TSTD2: variants seen among roughly 807,000 people sequenced by gnomAD.
The protein encoded by TSTD2 is thiosulfate sulfurtransferase like domain containing 2.
A neutral mutation model predicts 47.9 loss-of-function variants in TSTD2; 37 were observed. That is an observed-to-expected ratio of 0.77 (90% CI 0.59 to 1.02). The LOEUF (loss-of-function observed/expected upper bound fraction) is 1.02, where lower values mean the gene tolerates loss of function less well. Among genes scored for constraint, TSTD2 ranks in the 50% least tolerant of loss-of-function variants. TSTD2 has a pLI of 0.00. For synonymous variants in TSTD2, 201 were observed against 215.9 expected (o/e 0.93, Z 0.61); for missense variants, 586 against 616.0 (o/e 0.95, Z 0.52).
Position 97,601,609 on chromosome 9 carries a change from T to G in TSTD2, c.*860A>C, listed in dbSNP as rs889632211. Reference sequence around the variant, plus strand: ...TAGATCAGGGGCTGGCAAACTTTTCTGTAAAAGGCCAGACAGTAAAAATTT... The same window carrying G: ...TAGATCAGGGGCTGGCAAACTTTTCGGTAAAAGGCCAGACAGTAAAAATTT... On this transcript the variant is annotated 3_prime_UTR_variant, in exon 10 of 10. Coordinates refer to ENST00000341170, the MANE Select transcript of TSTD2 (RefSeq NM_139246.5). 7 of 987,630 alleles carry G rather than the reference T, an allele frequency of 7.1e-6. No individual in the cohort carries two copies. The African/African-American group carries it at 1.2e-4, about 17-fold the overall frequency. 61.2% of individuals were successfully genotyped at this position (987,630 alleles called of 1,614,324 possible).
In TSTD2 at chr9:97,610,459, A is replaced by G; in HGVS notation, c.730-8T>C. On this transcript the variant is annotated splice_polypyrimidine_tract_variant and splice_region_variant and intron_variant, in intron 5 of 9. Transcript: ENST00000341170. ...AGCTCCTCCTTTGCTGGTCTAGCCA[A>G]TGAGAAACAAAACAGAATACAGTCT... 1.3e-6 allele frequency: 2 copies of G among 1,543,090 alleles called. No individual in the cohort carries two copies. The highest frequency in any genetic ancestry group is 2.4e-5 in the East Asian group (1 of 41,636).
intron 4 of TSTD2, among the ~76,000 whole-genome samples, chr9:97,615,902 G>A (rs1176750132): frequency 6.6e-6 from 1 of 151,942 alleles, no homozygotes; most frequent in Non-Finnish European, 1.5e-5. Flanking sequence ...AGGAATTAGG[G>A]ATACAGTGCT....
Position 97,611,625 on chromosome 9 carries a change from G to A in TSTD2, c.678C>T (p.Val226=), listed in dbSNP as rs746462768. 4 of 1,610,656 alleles carry A rather than the reference G, an allele frequency of 2.5e-6. No individual in the cohort carries two copies. The South Asian group carries it at 4.4e-5, about 18-fold the overall frequency. The change falls in exon 5 of 10, where the codon GTC becomes GTT. Residue 226 remains valine (V), a synonymous_variant. Coordinates refer to ENST00000341170, the MANE Select transcript of TSTD2 (RefSeq NM_139246.5). ...SKLATRLYVE[V]MLSFPLFKDD... ...CCTTAAACAATGGGAAGGAAAGCAT[G>A]ACTTCCACATAAAGTCTGGTAGCCA...
intron 3 of TSTD2, among the ~76,000 whole-genome samples, chr9:97,619,614 T>C (rs954974572): frequency 6.6e-6 from 1 of 152,120 alleles, no homozygotes; most frequent in African/African-American, 2.4e-5. Context: ...ATGCTGGGAT[T>C]ATAGGAATAA....
chr9:97,625,821 T>A lies in TSTD2; in HGVS notation c.342A>T (p.Gln114His). The A allele has an allele frequency of 6.2e-7, 1 of 1,614,202 alleles. No individual in the cohort carries two copies. ...IYHQTASILK[Q>H]LAVTLSTSKS... ...TTGAGGTGCTCAATGTCACAGCCAGTTGCTTTAAAATAGAAGCTGTCTGGT... is the reference window on the plus strand; with the variant it reads ...TTGAGGTGCTCAATGTCACAGCCAGATGCTTTAAAATAGAAGCTGTCTGGT... The change falls in exon 3 of 10, where the codon CAA becomes CAT. Residue 114 changes from glutamine (Q) to histidine (H), a missense_variant. Gln to His is a conservative substitution (Grantham distance 24). Coordinates refer to ENST00000341170, the MANE Select transcript of TSTD2 (RefSeq NM_139246.5).
At chr9:97,604,938 G>A (rs776143362) in intron 8 of TSTD2, 73 bp from the exon 9 acceptor site, 55 of 1,577,414 alleles carry the variant, frequency 3.5e-5, no homozygotes, top group Non-Finnish European at 4.2e-5. Context: ...GAAGAACGGC[G>A]CATGGCGAGG....
In TSTD2 at chr9:97,604,860, C is replaced by T; in HGVS notation, c.1119G>A (p.Val373=). 6.2e-7 allele frequency: 1 copy of T among 1,614,018 alleles called. No individual in the cohort carries two copies. Among genetic ancestry groups the T allele is most frequent in the Non-Finnish European group, 8.5e-7 (1 of 1,179,922 alleles). ...CCTTGAGCTGGAACACCTCCTTGCA[C>T]ACTCCCTAGGTGTGGAAAAACAACA... ...RGSAYLKAKG[V]CKEVFQLKGG... Residue 373 remains valine, a synonymous_variant, in exon 9 of 10, where the codon GTG becomes GTA. Transcript: ENST00000341170.
At chr9:97,604,522 G>A (rs1826331293) in intron 9 of TSTD2, 6 of 667,754 alleles carry the variant, frequency 9.0e-6, no homozygotes, top group Admixed American at 6.7e-5. Context: ...GTGAAGCCAG[G>A]ATCCCAACCC....
rs535091350 is a variant in TSTD2, at chr9:97,601,097, G to T, written c.*1372C>A. ...CTGGAGGCGGGGCCAGGGCCTCAGC[G>T]CTATGGAAGAGTGTCCACTGAGGCT... On this transcript the variant is annotated 3_prime_UTR_variant, in exon 10 of 10. Transcript: ENST00000341170. The T allele has an allele frequency of 7.7e-7, 1 of 1,304,272 alleles. No individual in the cohort carries two copies. Among genetic ancestry groups the T allele is most frequent in the East Asian group, 5.5e-5 (1 of 18,032 alleles). The allele number at this position is 1,304,272 out of a possible 1,614,324, so 80.8% of individuals were successfully genotyped here.
At chr9:97,606,849 A>G (rs1406523565) in intron 6 of TSTD2, among the ~76,000 whole-genome samples, 1 of 152,182 alleles carries the variant, frequency 6.6e-6, no homozygotes, top group African/African-American at 2.4e-5. Flanking sequence ...GTGTGTGTGC[A>G]TGAGTAAAAG....
In TSTD2 at chr9:97,602,553, A is replaced by G; in HGVS notation, c.1467T>C (p.Pro489=). The G allele has an allele frequency of 1.9e-6, 3 of 1,614,164 alleles. No homozygotes were observed. Among genetic ancestry groups the G allele is most frequent in the Non-Finnish European group, 8.5e-7 (1 of 1,180,006 alleles). The change falls in exon 10 of 10, where the codon CCT becomes CCC. Residue 489 remains proline, a synonymous_variant. Coordinates refer to ENST00000341170, the MANE Select transcript of TSTD2 (RefSeq NM_139246.5). ...GTCGCACATGCTGCAAGAGTTCCCT[A>G]GGTATGCGTGGCCGTCGGGCTGTGC... is the stretch of plus-strand genomic sequence containing the variant. ...CECTARRPRI[P]RELLQHVRQP...
chr9:97,612,433 C>A (rs1426104518), intron 4 of TSTD2, among the ~76,000 whole-genome samples: 1 of 152,220 alleles, frequency 6.6e-6, no homozygotes, highest in African/African-American at 2.4e-5. Flanking sequence ...TTGTCTTCCA[C>A]AACGGTTGAG....
intron 6 of TSTD2, among the ~76,000 whole-genome samples, chr9:97,606,796 T>C (rs966340784): frequency 7.9e-5 from 12 of 152,122 alleles, no homozygotes; most frequent in African/African-American, 2.7e-4. Context: ...AAAGTTGGAA[T>C]AGATACATTT....
intron 2 of TSTD2, among the ~76,000 whole-genome samples, chr9:97,626,252 T>G (rs1021401168): frequency 3.3e-5 from 5 of 152,168 alleles, no homozygotes; most frequent in African/African-American, 1.2e-4. Context: ...TCTCAGGATA[T>G]AAGACTAAGT....
intron 1 of TSTD2, among the ~76,000 whole-genome samples, chr9:97,632,314 G>A (rs529206988): frequency 2.6e-5 from 4 of 152,084 alleles, no homozygotes; most frequent in Admixed American, 6.5e-5. Context: ...AGTGGTTGGA[G>A]TACAGTGAGG....
intron 6 of TSTD2, 37 bp from the exon 7 acceptor site, chr9:97,606,298 A>G: frequency 1.4e-6 from 2 of 1,386,162 alleles, no homozygotes; most frequent in Non-Finnish European, 2.0e-6. Context: ...TAAAACAAAG[A>G]CAAAAAAACC....
At chr9:97,626,879 AT>A (rs895222867) in intron 2 of TSTD2, among the ~76,000 whole-genome samples, 7 of 151,966 alleles carry the variant, frequency 4.6e-5, no homozygotes, top group African/African-American at 1.7e-4. Flanking sequence ...TATCATCAAT[AT>A]TTTTAATGTT....
rs573258880 is a variant in TSTD2, at chr9:97,628,596, T to C, written c.-50-984A>G. On this transcript the variant is annotated intron_variant, in intron 1 of 9. Coordinates refer to ENST00000341170, the MANE Select transcript of TSTD2 (RefSeq NM_139246.5). ...TTTTAAATTTAACATTAAAATTTTA[T>C]TTAAAAATTAGCTGTGACAGATTAT... Among the ~76,000 whole-genome samples, 14 of 152,338 alleles carry C rather than the reference T, an allele frequency of 9.2e-5. No individual in the cohort carries two copies. In the South Asian group the frequency reaches 2.9e-3, roughly 32 times the overall value.
At chr9:97,615,724 T>C (rs978021502) in intron 4 of TSTD2, among the ~76,000 whole-genome samples, 1 of 152,166 alleles carries the variant, frequency 6.6e-6, no homozygotes, top group Non-Finnish European at 1.5e-5. Context: ...AGCACTTGGG[T>C]TGGGCCAAGA....
Sources: allele counts gnomAD v4.1 joint callset (sites outside exome capture counted in the v4.1 genomes callset), GRCh38; gene constraint gnomAD v4.1.1; transcripts MANE v1.5; gene names NCBI Gene and HGNC (gene_info 2026-07-23, HGNC 2026-07-21).